MARVELD2: variants seen among roughly 807,000 people sequenced by gnomAD.
MARVELD2 encodes MARVEL domain-containing protein 2.
A neutral mutation model predicts 57.6 loss-of-function variants in MARVELD2; 49 were observed. That is an observed-to-expected ratio of 0.85 (90% CI 0.68 to 1.08). The LOEUF (loss-of-function observed/expected upper bound fraction) is 1.08. MARVELD2 is among the 50% of genes least tolerant of loss of function. The pLI, the probability that MARVELD2 is intolerant of heterozygous loss-of-function variation, is 0.00. For synonymous variants in MARVELD2, 238 were observed against 258.8 expected, an observed-to-expected ratio of 0.92 and a Z score of 0.77; for missense variants, 606 against 701.1, an observed-to-expected ratio of 0.86 and a Z score of 1.53.
At position 69,433,011 on chromosome 5, in the gene MARVELD2, C is replaced by T. The variant is rs761687161; in HGVS notation, c.1421C>T (p.Ala474Val). 6.2e-7 allele frequency: 1 copy of T among 1,614,222 alleles called. No individual in the cohort carries two copies. The stretch of plus-strand genomic sequence containing the variant: ...TTTTCAGAGTACAAAGAGCTGTCTG[C>T]AGAAGTTCAGGCTGTCCTGAGGAAG... ...DQFSEYKELS[A>V]EVQAVLRKFD... Residue 474 changes from alanine to valine, a missense_variant, in exon 5 of 7, where the codon GCA becomes GTA. Transcript: ENST00000325631.
intron 3 of MARVELD2, 52 bp from the exon 4 acceptor site, chr5:69,432,475 T>G: frequency 6.3e-7 from 1 of 1,589,848 alleles, no homozygotes; most frequent in South Asian, 1.1e-5. Context: ...ATTCAGAGGG[T>G]TTTTTTCTAC....
At chr5:69,440,204 C>A (rs1330173807) in intron 5 of MARVELD2, among the ~76,000 whole-genome samples, 2 of 152,140 alleles carry the variant, frequency 1.3e-5, no homozygotes, top group African/African-American at 4.8e-5. Flanking sequence ...AGCTATGTAT[C>A]CTCCCTAAGG....
At chr5:69,438,871 A>G (rs201374613) in intron 5 of MARVELD2, among the ~76,000 whole-genome samples, 1 of 151,676 alleles carries the variant, frequency 6.6e-6, no homozygotes, top group Admixed American at 6.6e-5. Flanking sequence ...GGGTGACAGA[A>G]TTGAGACTCC....
chr5:69,420,242 C>CT lies in MARVELD2; in HGVS notation c.858dup (p.Asn287Ter). ...TATTACCGGACCATTCTTCTGGACT[C>CT]TAATTGGTGGCCCCTAACTGAATTT... On this transcript the variant is annotated frameshift_variant, in exon 2 of 7. Coordinates refer to ENST00000325631, the MANE Select transcript of MARVELD2 (RefSeq NM_001038603.3). LOFTEE classifies it high-confidence loss of function. 6.2e-7 allele frequency: 1 copy of CT among 1,614,156 alleles called. No homozygotes were observed. Among genetic ancestry groups the CT allele is most frequent in the Non-Finnish European group, 8.5e-7 (1 of 1,180,034 alleles).
rs1211385412 is a variant in MARVELD2, at chr5:69,420,218, A to C, written c.833A>C (p.Tyr278Ser). 6.2e-7 allele frequency: 1 copy of C among 1,614,006 alleles called. No homozygotes were observed. The highest frequency in any genetic ancestry group is 2.2e-5 in the East Asian group (1 of 44,890). Reference sequence around the variant, plus strand: ...ATTCTGGTTCTTGGCATGTCCATGTATTACCGGACCATTCTTCTGGACTCT... The same window carrying C: ...ATTCTGGTTCTTGGCATGTCCATGTCTTACCGGACCATTCTTCTGGACTCT... ...IIILVLGMSM[Y>S]YRTILLDSNW... The change falls in exon 2 of 7, where the codon TAT becomes TCT. Residue 278 changes from tyrosine (Y) to serine (S), a missense_variant. Transcript: ENST00000325631.
At chr5:69,439,695 A>G (rs1437917725) in intron 5 of MARVELD2, among the ~76,000 whole-genome samples, 1 of 151,838 alleles carries the variant, frequency 6.6e-6, no homozygotes, top group South Asian at 2.1e-4. Context: ...TGGGAGTTGC[A>G]GTGAGCTGAG....
In MARVELD2 at chr5:69,433,122, C is replaced by CA. The variant is rs764668258; in HGVS notation, c.1503+30dup. 2.0e-6 allele frequency: 3 copies of CA among 1,511,926 alleles called. No homozygotes were observed. The East Asian group carries it at 6.8e-5, about 34-fold the overall frequency. The allele number at this position is 1,511,926 out of a possible 1,614,324, so 93.7% of individuals were successfully genotyped here. A position where few individuals can be genotyped will look rare whatever the true frequency, so the allele number is the denominator to read the frequency against. ...AGTATGTGCAGCTGCCTAGGAGGAG[C>CA]ACTGAAATCTAGAGGATGAATAAAA... On this transcript the variant is annotated intron_variant, in intron 5 of 6. Transcript: ENST00000325631.
intron 6 of MARVELD2, among the ~76,000 whole-genome samples, chr5:69,440,832 C>T (rs1311875611): frequency 6.6e-6 from 1 of 152,216 alleles, no homozygotes; most frequent in African/African-American, 2.4e-5. Context: ...CCTGTAATCC[C>T]AGCACTTTGG....
chr5:69,439,002 G>A (rs1404280604), intron 5 of MARVELD2, among the ~76,000 whole-genome samples: 1 of 149,454 alleles, frequency 6.7e-6, no homozygotes, highest in East Asian at 2.0e-4. Context: ...AGAAGTTTTG[G>A]TTACAGTGAG....
At chr5:69,426,916 C>T (rs1212912169) in intron 3 of MARVELD2, among the ~76,000 whole-genome samples, 2 of 152,058 alleles carry the variant, frequency 1.3e-5, no homozygotes, top group Admixed American at 6.6e-5. Context: ...CCTCAGCCTC[C>T]CAAAGCACTG....
At chr5:69,418,068 C>A (rs1308522027) in intron 1 of MARVELD2, among the ~76,000 whole-genome samples, 1 of 151,982 alleles carries the variant, frequency 6.6e-6, no homozygotes, top group East Asian at 1.9e-4. Flanking sequence ...TGATTGTGCT[C>A]CTATGCTCTG....
chr5:69,437,828 C>T (rs1351883954), intron 5 of MARVELD2, among the ~76,000 whole-genome samples: 1 of 152,148 alleles, frequency 6.6e-6, no homozygotes, highest in Non-Finnish European at 1.5e-5. Flanking sequence ...GTCCTGATGA[C>T]AGTACAGGTT....
At chr5:69,432,291 G>A (rs1181328867) in intron 3 of MARVELD2, among the ~76,000 whole-genome samples, 1 of 151,962 alleles carries the variant, frequency 6.6e-6, no homozygotes, top group Non-Finnish European at 1.5e-5. Context: ...GATTACAGGC[G>A]TGAGCCACTG....
chr5:69,437,737 A>T (rs972690075), intron 5 of MARVELD2, among the ~76,000 whole-genome samples: 2 of 151,960 alleles, frequency 1.3e-5, no homozygotes, highest in Admixed American at 1.3e-4. Flanking sequence ...TTGAGCCAAC[A>T]CCCAGTGGTA....
At chr5:69,415,669 C>G (rs1766383830) in intron 1 of MARVELD2, 1 of 152,160 alleles carries the variant, frequency 6.6e-6, no homozygotes, top group African/African-American at 2.4e-5. Flanking sequence ...CCCTCGGAAG[C>G]GCAGAAGTAT....
chr5:69,429,182 G>T (rs989654707), intron 3 of MARVELD2, among the ~76,000 whole-genome samples: 1 of 152,090 alleles, frequency 6.6e-6, no homozygotes, highest in East Asian at 1.9e-4. Flanking sequence ...AGCCATGGTT[G>T]GAGAGCTTTT....
chr5:69,425,565 CAT>C (rs1423662303), intron 3 of MARVELD2, among the ~76,000 whole-genome samples: 1 of 151,408 alleles, frequency 6.6e-6, no homozygotes, highest in African/African-American at 2.4e-5. Context: ...AACAAACCAA[CAT>C]ATGTTTGAAA....
chr5:69,444,311 A>G lies in MARVELD2; in HGVS notation c.*2657A>G, dbSNP rs943768387. The G allele has an allele frequency of 6.6e-6, 1 of 152,192 alleles. No individual in the cohort carries two copies. Among genetic ancestry groups the G allele is most frequent in the East Asian group, 1.9e-4 (1 of 5,174 alleles). The allele number at this position is 152,192 out of a possible 1,614,324, so 9.4% of individuals were successfully genotyped here. ...TTTCACTTGTCAGAAAATAAACTGG[A>G]AAGTCATTGAAAACCCGTAGGTCAC... On this transcript the variant is annotated 3_prime_UTR_variant, in exon 7 of 7. Transcript: ENST00000325631.
chr5:69,421,311 T>C (rs1363759311), intron 2 of MARVELD2, among the ~76,000 whole-genome samples: 2 of 152,220 alleles, frequency 1.3e-5, no homozygotes, highest in Non-Finnish European at 2.9e-5. Context: ...TACATTATTC[T>C]CTGAAGTAAG....
Sources: allele counts gnomAD v4.1 joint callset (sites outside exome capture counted in the v4.1 genomes callset), GRCh38; gene constraint gnomAD v4.1.1; transcripts MANE v1.5; gene names NCBI Gene and HGNC (gene_info 2026-07-23, HGNC 2026-07-21).